Variants in ARMC8 observed in about 807,000 individuals in gnomAD.
ARMC8 encodes armadillo repeat-containing protein 8.
ARMC8 carries 20 observed loss-of-function variants against 99.3 expected under a neutral mutation model. That is an observed-to-expected ratio of 0.20 (90% confidence interval 0.14 to 0.29). ARMC8 has a LOEUF of 0.29. ARMC8 is among the 10% of genes least tolerant of loss of function. The probability of loss-of-function intolerance (pLI) is 1.00; values close to 1 mark genes in which losing one functional copy is unlikely to be tolerated. For synonymous variants in ARMC8, 263 were observed against 278.3 expected, an observed-to-expected ratio of 0.95 and a Z score of 0.55; for missense variants, 569 against 809.5, an observed-to-expected ratio of 0.70 and a Z score of 3.60.
chr3:138,278,144 T>G (rs1262021677), intron 18 of ARMC8, among the ~76,000 whole-genome samples: 1 of 151,976 alleles, frequency 6.6e-6, no homozygotes, highest in Non-Finnish European at 1.5e-5. Flanking sequence ...ACAGGACAAT[T>G]TAGGGAGGGA....
At chr3:138,259,829 C>T (rs1159686277) in intron 12 of ARMC8, among the ~76,000 whole-genome samples, 2 of 152,214 alleles carry the variant, frequency 1.3e-5, no homozygotes, top group African/African-American at 4.8e-5. Context: ...CTTAATGTTA[C>T]AGTGATTGAG....
At chr3:138,267,370 A>C (rs2048372673) in intron 15 of ARMC8, 129 bp downstream of exon 15, 4 of 562,572 alleles carry the variant, frequency 7.1e-6, no homozygotes, top group Non-Finnish European at 1.2e-5. Flanking sequence ...GTTTGATTGC[A>C]TAGCGGTAGG....
chr3:138,203,645 C>A (rs1021767778), intron 1 of ARMC8, among the ~76,000 whole-genome samples: 5 of 152,178 alleles, frequency 3.3e-5, no homozygotes, highest in Non-Finnish European at 7.3e-5. Flanking sequence ...TTGCTAGAAC[C>A]TACTTACTTG....
intron 12 of ARMC8, chr3:138,261,335 G>C (rs915717515): frequency 5.3e-5 from 8 of 152,210 alleles, no homozygotes; most frequent in African/African-American, 1.9e-4. Flanking sequence ...GGGTGGCTGG[G>C]AGAATGTTAA....
At chr3:138,245,345 G>A (rs2046833370) in intron 12 of ARMC8, 162 bp downstream of exon 12, 2 of 1,481,650 alleles carry the variant, frequency 1.3e-6, no homozygotes, top group Non-Finnish European at 1.8e-6. Context: ...CCGGATTTGG[G>A]GGGTTGTTTG....
intron 5 of ARMC8, 106 bp from the exon 6 acceptor site, chr3:138,228,812 G>T: frequency 1.5e-6 from 1 of 683,912 alleles, no homozygotes; most frequent in East Asian, 3.4e-5. Flanking sequence ...TTGATTGACT[G>T]TCATTAAGAT....
intron 18 of ARMC8, among the ~76,000 whole-genome samples, chr3:138,283,384 G>A (rs890464086): frequency 6.6e-6 from 1 of 152,198 alleles, no homozygotes; most frequent in African/African-American, 2.4e-5. Context: ...TCCTGACTGG[G>A]TTCCAGGACT....
chr3:138,222,971 T>G (rs1266726266), intron 3 of ARMC8, among the ~76,000 whole-genome samples: 1 of 152,130 alleles, frequency 6.6e-6, no homozygotes, highest in African/African-American at 2.4e-5. Context: ...CCCTATAGGC[T>G]CGATATCTAC....
intron 12 of ARMC8, among the ~76,000 whole-genome samples, chr3:138,260,533 G>A (rs1040410383): frequency 6.6e-6 from 1 of 152,058 alleles, no homozygotes; most frequent in African/African-American, 2.4e-5. Context: ...CCAGACTTTG[G>A]GAAGAGGCTA....
At chr3:138,197,106 G>A (rs775722948) in intron 1 of ARMC8, among the ~76,000 whole-genome samples, 4 of 152,174 alleles carry the variant, frequency 2.6e-5, no homozygotes, top group Non-Finnish European at 5.9e-5. Context: ...AAACTACAAA[G>A]TAAGGTGATT....
At chr3:138,244,972 C>A in intron 11 of ARMC8, 116 bp from the exon 12 acceptor site, 1 of 1,266,314 alleles carries the variant, frequency 7.9e-7, no homozygotes, top group Non-Finnish European at 1.1e-6. Flanking sequence ...TAGTTAATGA[C>A]TGGGAAATTC....
At chr3:138,207,707 A>C (rs879272491) in intron 1 of ARMC8, among the ~76,000 whole-genome samples, 2 of 152,002 alleles carry the variant, frequency 1.3e-5, no homozygotes, top group Non-Finnish European at 2.9e-5. Flanking sequence ...TTGTTTCTTG[A>C]TATGTTCGTA....
chr3:138,283,547 C>T (rs547365284), intron 18 of ARMC8, among the ~76,000 whole-genome samples: 45 of 151,682 alleles, frequency 3.0e-4, no homozygotes, highest in Middle Eastern at 3.4e-3. Context: ...TTTTTTTTTC[C>T]TGCCTCATCC....
intron 12 of ARMC8, among the ~76,000 whole-genome samples, chr3:138,248,045 C>T (rs951483676): frequency 6.6e-6 from 1 of 152,178 alleles, no homozygotes; most frequent in Non-Finnish European, 1.5e-5. Flanking sequence ...TCCTTTATTA[C>T]TCTATGGCAT....
intron 1 of ARMC8, among the ~76,000 whole-genome samples, chr3:138,192,306 C>T (rs1404833798): frequency 6.6e-5 from 8 of 121,810 alleles, no homozygotes. Context: ...GAGACGGAGT[C>T]TCCCTCTGTT....
At chr3:138,211,915 A>G (rs960125194) in intron 2 of ARMC8, among the ~76,000 whole-genome samples, 6 of 152,248 alleles carry the variant, frequency 3.9e-5, no homozygotes, top group African/African-American at 1.2e-4. Context: ...CTTAAAAAAA[A>G]AGATAATTCT....
At chr3:138,293,368 C>T (rs376719616) in intron 21 of ARMC8, among the ~76,000 whole-genome samples, 3 of 152,160 alleles carry the variant, frequency 2.0e-5, no homozygotes, top group Non-Finnish European at 2.9e-5. Context: ...AGTGAAACCC[C>T]GTCTCTACTA....
intron 18 of ARMC8, among the ~76,000 whole-genome samples, chr3:138,277,834 C>CAAA (rs1182775849): frequency 1.7e-4 from 26 of 152,298 alleles, no homozygotes; most frequent in African/African-American, 5.8e-4. Context: ...TTCATAACAA[C>CAAA]TTTATTTGTA....
At chr3:138,286,433 C>T (rs887455991) in intron 19 of ARMC8, among the ~76,000 whole-genome samples, 33 of 152,196 alleles carry the variant, frequency 2.2e-4, no homozygotes, top group African/African-American at 8.0e-4. Flanking sequence ...CCACTTACAG[C>T]AGACTTCAAC....
Sources: gnomAD v4.1 joint callset for allele counts (sites outside exome capture counted in the v4.1 genomes callset) on GRCh38, gnomAD v4.1.1 for gene constraint, MANE v1.5 for transcripts, NCBI Gene and HGNC (gene_info 2026-07-23, HGNC 2026-07-21) for gene names.